SF3B6: variants seen among roughly 807,000 people sequenced by gnomAD.
SF3B6 encodes the protein splicing factor 3b subunit 6.
In SF3B6, 3 loss-of-function variants were observed where a neutral mutation model predicts 15.9. The observed-to-expected ratio is 0.19, with a 90% CI of 0.09 to 0.49. The LOEUF (loss-of-function observed/expected upper bound fraction) is 0.49, where lower values mean the gene tolerates loss of function less well. SF3B6 is among the 20% of genes least tolerant of loss of function. The pLI, the probability that SF3B6 is intolerant of heterozygous loss-of-function variation, is 0.97. For missense variants in SF3B6, 71 were observed against 154.3 expected (o/e 0.46, Z 2.86); for synonymous variants, 49 against 51.1 (o/e 0.96, Z 0.18).
Position 24,076,294 on chromosome 2 carries a change from G to C in SF3B6, c.-65C>G. 9 of 1,597,810 alleles carry C rather than the reference G, an allele frequency of 5.6e-6. No homozygotes were observed. The East Asian group carries it at 2.0e-4, about 36-fold the overall frequency. On this transcript the variant is annotated 5_prime_UTR_variant, in exon 1 of 4. Coordinates refer to ENST00000233468, the MANE Select transcript of SF3B6 (RefSeq NM_016047.4). ...TTCCTCCGGAGCTCGCTCGGCTTCG[G>C]GGGTTACACCGCGTTAGATGCAGGA...
chr2:24,074,513 A>T (rs186686436), intron 1 of SF3B6, among the ~76,000 whole-genome samples: 9 of 152,208 alleles, frequency 5.9e-5, no homozygotes, highest in African/African-American at 2.2e-4. Flanking sequence ...TTAAAAAATT[A>T]GCCAGGCATG....
chr2:24,076,132 C>T, intron 1 of SF3B6, 68 bp downstream of exon 1: 1 of 1,598,230 alleles, frequency 6.3e-7, no homozygotes, highest in East Asian at 2.2e-5. Flanking sequence ...CAAGAATGCT[C>T]CGATCCACGC....
chr2:24,071,668 C>A (rs13393082), intron 2 of SF3B6, among the ~76,000 whole-genome samples: 17,766 of 152,220 alleles, frequency 0.12, 1,243 homozygotes, highest in South Asian at 0.18. Flanking sequence ...CAGGGAGCTA[C>A]TTCAGCTAGG....
chr2:24,071,554 G>A (rs1252342214), intron 2 of SF3B6, among the ~76,000 whole-genome samples: 1 of 152,134 alleles, frequency 6.6e-6, no homozygotes, highest in Non-Finnish European at 1.5e-5. Flanking sequence ...GCAGTGAGCC[G>A]AGATCGTGCC....
rs750785181 is a variant in SF3B6 at position 24,068,429 on chromosome 2, A to C, written c.180T>G (p.Ala60=). 1 of 1,613,886 alleles carries C rather than the reference A, an allele frequency of 6.2e-7. No homozygotes were observed. The highest frequency in any genetic ancestry group is 1.1e-5 in the South Asian group (1 of 91,022). ...VGNTPETRGT[A]YVVYEDIFDA... is the part of the protein sequence containing the mutation. ...CAAAGATGTCCTCATAGACCACATA[A>C]GCTGTTCCTCTAGTTTCAGGTGTGT... is the stretch of plus-strand genomic sequence containing the variant. The change falls in exon 3 of 4, where the codon GCT becomes GCG. Residue 60 remains alanine, a synonymous_variant. Coordinates refer to ENST00000233468, the MANE Select transcript of SF3B6 (RefSeq NM_016047.4).
In SF3B6 at chr2:24,075,124, A is replaced by C. The variant is rs1293383081; in HGVS notation, c.31-930T>G. On this transcript the variant is annotated intron_variant, in intron 1 of 3. Coordinates refer to ENST00000233468, the MANE Select transcript of SF3B6 (RefSeq NM_016047.4). ...AGCCTGGGTGACAGAGTGAGAGTCC[A>C]TCTCAAAAAAAAAAGTCAACTATCA... Among the ~76,000 whole-genome samples the C allele has an allele frequency of 3.9e-5, 6 of 151,930 alleles. No individual in the cohort carries two copies. The East Asian group carries it at 9.6e-4, about 24-fold the overall frequency.
At chr2:24,073,931 T>A in intron 2 of SF3B6, 145 bp downstream of exon 2, 1 of 608,550 alleles carries the variant, frequency 1.6e-6, no homozygotes. Context: ...AAAGATCTCA[T>A]CTCTCTGATC....
intron 2 of SF3B6, among the ~76,000 whole-genome samples, chr2:24,072,484 A>G (rs1294075537): frequency 1.3e-5 from 2 of 152,230 alleles, no homozygotes; most frequent in Non-Finnish European, 2.9e-5. Flanking sequence ...TGGAAATGCT[A>G]TGGGAGCAGA....
chr2:24,070,602 T>C (rs529148072), intron 2 of SF3B6, among the ~76,000 whole-genome samples: 9 of 152,318 alleles, frequency 5.9e-5, no homozygotes, highest in Admixed American at 3.3e-4. Context: ...AAGTACAAAG[T>C]ACCAAGTGCC....
intron 2 of SF3B6, 69 bp from the exon 3 acceptor site, chr2:24,068,528 T>C: frequency 7.1e-7 from 1 of 1,406,036 alleles, no homozygotes; most frequent in South Asian, 1.4e-5. Flanking sequence ...CTTACAGAAC[T>C]GTCTTTTAAA....
chr2:24,071,227 G>C (rs1312564852), intron 2 of SF3B6, among the ~76,000 whole-genome samples: 1 of 152,144 alleles, frequency 6.6e-6, no homozygotes, highest in Non-Finnish European at 1.5e-5. Context: ...TCCTGACCTT[G>C]TGATCTGCCC....
At chr2:24,070,172 G>A (rs1030620225) in intron 2 of SF3B6, among the ~76,000 whole-genome samples, 1 of 152,166 alleles carries the variant, frequency 6.6e-6, no homozygotes, top group Admixed American at 6.5e-5. Flanking sequence ...CACCTTGAGA[G>A]CCATATTATA....
intron 1 of SF3B6, among the ~76,000 whole-genome samples, chr2:24,074,849 C>A (rs1170988836): frequency 6.6e-6 from 1 of 152,120 alleles, no homozygotes; most frequent in Non-Finnish European, 1.5e-5. Flanking sequence ...AACTATCTGG[C>A]CGGGTGCGGT....
chr2:24,073,973 G>T lies in SF3B6; in HGVS notation c.149+103C>A, dbSNP rs572316982. 490 of 741,610 alleles carry T rather than the reference G, an allele frequency of 6.6e-4. 8 individuals are homozygous for T. The South Asian group carries it at 7.3e-3, about 11-fold the overall frequency. The allele number at this position is 741,610 out of a possible 1,614,324, so 45.9% of individuals were successfully genotyped here. ...TGCTAGTCTCAAGGCTCTTGGTAAG[G>T]GTTGTCGCACTGCACACAGCACAGG... On this transcript the variant is annotated intron_variant, in intron 2 of 3. Coordinates refer to ENST00000233468, the MANE Select transcript of SF3B6 (RefSeq NM_016047.4).
At chr2:24,072,932 A>G (rs1411197879) in intron 2 of SF3B6, among the ~76,000 whole-genome samples, 1 of 152,216 alleles carries the variant, frequency 6.6e-6, no homozygotes, top group Non-Finnish European at 1.5e-5. Flanking sequence ...CTTGACCTAG[A>G]GTCCATGTAT....
At chr2:24,068,154 G>A (rs1468778413) in intron 3 of SF3B6, among the ~76,000 whole-genome samples, 167 bp downstream of exon 3, 2 of 152,010 alleles carry the variant, frequency 1.3e-5, no homozygotes, top group South Asian at 2.1e-4. Context: ...TAGTACAGAC[G>A]GGGTTTCACC....
intron 1 of SF3B6, among the ~76,000 whole-genome samples, chr2:24,075,128 CAA>C (rs199794804): frequency 5.5e-5 from 8 of 146,620 alleles, no homozygotes. Context: ...GAGTCCATCT[CAA>C]AAAAAAAAGT....
intron 1 of SF3B6, among the ~76,000 whole-genome samples, chr2:24,074,777 CT>C (rs1664705271): frequency 6.6e-6 from 1 of 152,198 alleles, no homozygotes; most frequent in Non-Finnish European, 1.5e-5. Context: ...GTTTCGCACA[CT>C]CTGCTGGATT....
intron 2 of SF3B6, among the ~76,000 whole-genome samples, chr2:24,071,651 A>G (rs1409638572): frequency 1.3e-5 from 2 of 152,214 alleles, no homozygotes; most frequent in African/African-American, 4.8e-5. Context: ...TGTAACAGAT[A>G]GGGAAACAGG....
Sources: allele counts gnomAD v4.1 joint callset (sites outside exome capture counted in the v4.1 genomes callset), GRCh38; gene constraint gnomAD v4.1.1; transcripts MANE v1.5; gene names NCBI Gene and HGNC (gene_info 2026-07-23, HGNC 2026-07-21).